Variants in MINDY2 observed in about 807,000 individuals in gnomAD.
MINDY2 encodes the protein ubiquitin carboxyl-terminal hydrolase MINDY-2.
In MINDY2, 52 loss-of-function variants were observed where a neutral mutation model predicts 68.2. The ratio of observed to expected loss-of-function variants is 0.76; its 90% CI spans 0.61 to 0.96. The LOEUF is 0.96. Ranked by LOEUF, MINDY2 falls within the 40% of genes least tolerant of loss-of-function variation. The pLI, the probability that MINDY2 is intolerant of heterozygous loss-of-function variation, is 0.00. For synonymous variants in MINDY2, 372 were observed against 303.0 expected (o/e 1.23, Z -2.36); for missense variants, 881 against 773.4 (o/e 1.14, Z -1.65).
rs1185316478 is a variant in MINDY2, at chr15:58,858,206, TTGAA to T, written c.*3601_*3604del. On this transcript the variant is annotated 3_prime_UTR_variant, in exon 9 of 9. Coordinates refer to ENST00000559228, the MANE Select transcript of MINDY2 (RefSeq NM_001040450.3). ...CCATGTTTCAAGGTCAGGTTCAGAG[TTGAA>T]TGAAGTGTAGATTTAAATTTAGGAT... The T allele has an allele frequency of 2.0e-5, 3 of 152,190 alleles. No individual in the cohort carries two copies. Among genetic ancestry groups the T allele is most frequent in the African/African-American group, 4.8e-5 (2 of 41,454 alleles). 9.4% of individuals were successfully genotyped at this position (152,190 alleles called of 1,614,324 possible). A position where few individuals can be genotyped will look rare whatever the true frequency, so the allele number is the denominator to read the frequency against.
At chr15:58,848,651 C>T (rs1174453446) in intron 7 of MINDY2, among the ~76,000 whole-genome samples, 2 of 152,060 alleles carry the variant, frequency 1.3e-5, no homozygotes, top group Non-Finnish European at 2.9e-5. Flanking sequence ...GAGGCTGAGG[C>T]AGGAGAATGG....
intron 6 of MINDY2, among the ~76,000 whole-genome samples, chr15:58,839,730 C>G (rs572846556): frequency 6.6e-6 from 1 of 152,168 alleles, no homozygotes; most frequent in East Asian, 1.9e-4. Flanking sequence ...AAGTATATAG[C>G]TGTTTCTAAA....
chr15:58,842,331 G>C (rs555701152), intron 6 of MINDY2, among the ~76,000 whole-genome samples: 1 of 152,174 alleles, frequency 6.6e-6, no homozygotes, highest in South Asian at 2.1e-4. Context: ...TTTACTCTAT[G>C]TTTAGGGATT....
chr15:58,785,966 G>A (rs1404848866), intron 1 of MINDY2, among the ~76,000 whole-genome samples: 3 of 152,124 alleles, frequency 2.0e-5, no homozygotes, highest in African/African-American at 7.2e-5. Flanking sequence ...CACCAGGCCT[G>A]ACCTGAAATT....
intron 3 of MINDY2, among the ~76,000 whole-genome samples, chr15:58,803,295 T>A (rs1331827163): frequency 1.8e-4 from 26 of 145,236 alleles, no homozygotes; most frequent in African/African-American, 6.4e-4. Flanking sequence ...TGAAACCCCA[T>A]TTCTACTAAA....
chr15:58,806,283 AT>A (rs1310113836), intron 3 of MINDY2, among the ~76,000 whole-genome samples: 1 of 151,248 alleles, frequency 6.6e-6, no homozygotes, highest in African/African-American at 2.4e-5. Flanking sequence ...CATGTTGGCC[AT>A]GCTGGTCTCG....
At position 58,838,754 on chromosome 15, in the gene MINDY2, T is replaced by A. The variant is rs571302102; in HGVS notation, c.1368+6838T>A. Among the ~76,000 whole-genome samples the A allele has an allele frequency of 2.2e-4, 34 of 151,470 alleles. 1 individual carries two copies. In the South Asian group the frequency reaches 3.3e-3, roughly 15 times the overall value. ...GGCGGGTACCACCACTCCTGGCTTATTTTTTTTAGTAGAGATTGGTTGCAC... is the reference window on the plus strand; with the variant it reads ...GGCGGGTACCACCACTCCTGGCTTAATTTTTTTAGTAGAGATTGGTTGCAC... On this transcript the variant is annotated intron_variant, in intron 6 of 8. Transcript: ENST00000559228.
At chr15:58,786,218 C>CTA (rs1270770397) in intron 1 of MINDY2, among the ~76,000 whole-genome samples, 7 of 152,086 alleles carry the variant, frequency 4.6e-5, no homozygotes, top group Non-Finnish European at 1.5e-5. Context: ...ACGTAAACAC[C>CTA]TAGAGGACCT....
chr15:58,803,830 C>T (rs1182254450), intron 3 of MINDY2, among the ~76,000 whole-genome samples: 2 of 149,170 alleles, frequency 1.3e-5, no homozygotes, highest in Admixed American at 6.7e-5. Context: ...AATAAGAGGC[C>T]GGGCGTGGTG....
intron 5 of MINDY2, among the ~76,000 whole-genome samples, chr15:58,831,041 G>GTGTGTGTGTATATATATATATA (rs565786025): frequency 4.0e-5 from 5 of 124,918 alleles, no homozygotes; most frequent in South Asian, 5.0e-4. Context: ...GTGTGTGTGT[G>GTGTGTGTGTATATATATATATA]TATATATATA....
chr15:58,836,799 T>C (rs1229215613), intron 6 of MINDY2, among the ~76,000 whole-genome samples: 2 of 151,992 alleles, frequency 1.3e-5, no homozygotes, highest in Non-Finnish European at 2.9e-5. Context: ...AAAATTTTTT[T>C]TTTAGAGACA....
intron 1 of MINDY2, among the ~76,000 whole-genome samples, chr15:58,779,339 A>G (rs1900986182): frequency 6.6e-6 from 1 of 152,222 alleles, no homozygotes. Flanking sequence ...GTGAGGCACC[A>G]TGAAGGTGAG....
At chr15:58,840,969 AT>A (rs371021666) in intron 6 of MINDY2, among the ~76,000 whole-genome samples, 31,194 of 132,256 alleles carry the variant, frequency 0.24, 3,877 homozygotes, top group East Asian at 0.48. Flanking sequence ...CGCCTGGCCA[AT>A]TTTTTTTTTT....
intron 1 of MINDY2, among the ~76,000 whole-genome samples, chr15:58,787,140 C>CGT (rs1257079442): frequency 6.4e-5 from 5 of 78,152 alleles, no homozygotes; most frequent in African/African-American, 2.8e-4. Context: ...CATTTCTTTA[C>CGT]TTTTTTTTTT....
intron 2 of MINDY2, among the ~76,000 whole-genome samples, chr15:58,797,185 A>G (rs1380818575): frequency 1.3e-5 from 2 of 152,218 alleles, no homozygotes; most frequent in South Asian, 2.1e-4. Context: ...TGAAATGTTC[A>G]TGTACTAAGT....
intron 2 of MINDY2, among the ~76,000 whole-genome samples, chr15:58,791,311 G>T (rs1253685093): frequency 1.4e-5 from 2 of 143,354 alleles, no homozygotes; most frequent in Non-Finnish European, 3.1e-5. Context: ...TTTCTGTAAT[G>T]ATAGAAATGT....
intron 7 of MINDY2, among the ~76,000 whole-genome samples, chr15:58,848,221 T>C (rs2032632492): frequency 6.6e-6 from 1 of 152,146 alleles, no homozygotes; most frequent in Non-Finnish European, 1.5e-5. Context: ...GTTAAACAGT[T>C]GACATATATT....
intron 5 of MINDY2, among the ~76,000 whole-genome samples, chr15:58,828,474 G>T (rs551809114): frequency 1.3e-5 from 2 of 150,528 alleles, no homozygotes; most frequent in African/African-American, 4.9e-5. Flanking sequence ...TAGTACCTCT[G>T]TAACTTCACC....
At chr15:58,833,305 C>G (rs1242857075) in intron 6 of MINDY2, among the ~76,000 whole-genome samples, 1 of 152,186 alleles carries the variant, frequency 6.6e-6, no homozygotes, top group Admixed American at 6.5e-5. Flanking sequence ...CATACACACA[C>G]TATACCTTCT....
Sources: allele counts gnomAD v4.1 joint callset (sites outside exome capture counted in the v4.1 genomes callset), GRCh38; gene constraint gnomAD v4.1.1; transcripts MANE v1.5; gene names NCBI Gene and HGNC (gene_info 2026-07-23, HGNC 2026-07-21).